LEKR1: variants seen among roughly 807,000 people sequenced by gnomAD.
The protein encoded by LEKR1 is leucine, glutamate and lysine rich 1, also known as protein LEKR1.
In LEKR1, 59 loss-of-function variants were observed where a neutral mutation model predicts 72.4. The ratio of observed to expected loss-of-function variants is 0.82; its 90% confidence interval spans 0.66 to 1.01. The LOEUF (loss-of-function observed/expected upper bound fraction) is 1.01. Among genes scored for constraint, LEKR1 ranks in the 50% least tolerant of loss-of-function variants. The pLI is 0.00. For synonymous variants in LEKR1, 257 were observed against 263.2 expected (o/e 0.98, Z 0.23); for missense variants, 728 against 759.2 (o/e 0.96, Z 0.48).
At chr3:156,881,939 G>T (rs1719411465) in intron 3 of LEKR1, among the ~76,000 whole-genome samples, 2 of 149,116 alleles carry the variant, frequency 1.3e-5, no homozygotes, top group Admixed American at 1.4e-4. Context: ...GAGAAAACTG[G>T]CTAGCCATAT....
chr3:156,860,298 A>G (rs1371191771), intron 3 of LEKR1, among the ~76,000 whole-genome samples: 1 of 152,218 alleles, frequency 6.6e-6, no homozygotes, highest in East Asian at 1.9e-4. Context: ...TACACAATAA[A>G]ATGCATCTCT....
intron 3 of LEKR1, among the ~76,000 whole-genome samples, chr3:156,857,415 T>G (rs1716204562): frequency 1.3e-5 from 2 of 152,152 alleles, no homozygotes; most frequent in Admixed American, 6.5e-5. Flanking sequence ...ATGCATATAG[T>G]AAGTGGAAAA....
chr3:156,879,809 G>C lies in LEKR1; in HGVS notation c.263+26827G>C, dbSNP rs182152156. On this transcript the variant is annotated intron_variant, in intron 3 of 12. Transcript: ENST00000356539. The stretch of plus-strand genomic sequence containing the variant: ...AAGGCGCCAAGGTACAGCTCGGGTT[G>C]TGGCTTCAGAGAGTGCAAGCCCCAA... Among the ~76,000 whole-genome samples, 10 of 152,354 alleles carry C rather than the reference G, an allele frequency of 6.6e-5. No homozygotes were observed. In the East Asian group the frequency reaches 1.9e-3, roughly 29 times the overall value.
chr3:156,841,489 AG>A (rs1437991255), intron 2 of LEKR1, among the ~76,000 whole-genome samples: 1 of 152,226 alleles, frequency 6.6e-6, no homozygotes, highest in East Asian at 1.9e-4. Flanking sequence ...CAGGCAGTAC[AG>A]AGAAGTGGGG....
intron 2 of LEKR1, among the ~76,000 whole-genome samples, chr3:156,837,595 G>GC (rs1713319888): frequency 6.6e-6 from 1 of 152,186 alleles, no homozygotes; most frequent in Non-Finnish European, 1.5e-5. Context: ...ATCCTACGGT[G>GC]CCCCTCTCCA....
intron 6 of LEKR1, among the ~76,000 whole-genome samples, chr3:156,974,532 G>C (rs979188074): frequency 2.0e-5 from 3 of 152,024 alleles, no homozygotes; most frequent in African/African-American, 7.3e-5. Context: ...CCTATTCATG[G>C]AATCAAATGG....
intron 10 of LEKR1, among the ~76,000 whole-genome samples, chr3:157,013,879 A>G (rs1733099040): frequency 6.6e-6 from 1 of 152,098 alleles, no homozygotes; most frequent in African/African-American, 2.4e-5. Flanking sequence ...CATAGCTTAA[A>G]TGGTTTTAAC....
chr3:157,021,871 TATTAATAATTA>T lies in LEKR1; in HGVS notation c.1204-2879_1204-2869del, dbSNP rs375343419. Among the ~76,000 whole-genome samples, 507 of 152,210 alleles carry T rather than the reference TATTAATAATTA, an allele frequency of 3.3e-3. 3 individuals are homozygous for T. Among genetic ancestry groups the T allele is most frequent in the African/African-American group, 0.012 (490 of 41,560 alleles). ...ATTTAAGAACTATGTGACTATTAATTATTAATAATTAATTAATAATGGAATGTTATTGATTA... is the reference window on the plus strand; with the variant it reads ...ATTTAAGAACTATGTGACTATTAATTATTAATAATGGAATGTTATTGATTA... On this transcript the variant is annotated intron_variant, in intron 10 of 12. Coordinates refer to ENST00000356539, the MANE Select transcript of LEKR1 (RefSeq NM_001004316.3).
intron 10 of LEKR1, among the ~76,000 whole-genome samples, chr3:157,023,563 A>G (rs1000012526): frequency 3.3e-5 from 5 of 152,144 alleles, no homozygotes; most frequent in African/African-American, 9.7e-5. Context: ...ACTGACTGTT[A>G]AATTCCTACT....
chr3:156,894,625 C>G (rs1479954171), intron 3 of LEKR1, among the ~76,000 whole-genome samples: 1 of 152,126 alleles, frequency 6.6e-6, no homozygotes, highest in East Asian at 1.9e-4. Flanking sequence ...AGGCATCACA[C>G]TACCCAACTG....
intron 7 of LEKR1, among the ~76,000 whole-genome samples, chr3:156,982,195 T>A (rs1286401916): frequency 6.6e-6 from 1 of 152,230 alleles, no homozygotes; most frequent in Admixed American, 6.5e-5. Flanking sequence ...TAGGATAATG[T>A]CAGTTTTAGT....
At chr3:156,953,526 G>T (rs1242521822) in intron 6 of LEKR1, among the ~76,000 whole-genome samples, 1 of 151,496 alleles carries the variant, frequency 6.6e-6, no homozygotes, top group East Asian at 1.9e-4. Flanking sequence ...CAGTTGACAG[G>T]CTCTAGTGTG....
At chr3:156,888,327 G>A in intron 3 of LEKR1, 1 of 702,212 alleles carries the variant, frequency 1.4e-6, no homozygotes, top group Non-Finnish European at 2.6e-6. Flanking sequence ...TGCTTAGACT[G>A]GAAGTAGAAC....
chr3:156,890,569 G>C (rs542486554), intron 3 of LEKR1, among the ~76,000 whole-genome samples: 14 of 152,174 alleles, frequency 9.2e-5, no homozygotes, highest in Non-Finnish European at 1.9e-4. Context: ...TTTTTCTGAA[G>C]TTGGTAAACA....
At chr3:156,852,410 A>G (rs1715471716) in intron 2 of LEKR1, among the ~76,000 whole-genome samples, 1 of 152,228 alleles carries the variant, frequency 6.6e-6, no homozygotes, top group Admixed American at 6.5e-5. Context: ...ATTAAAGAAC[A>G]GTGATTTCCT....
intron 3 of LEKR1, among the ~76,000 whole-genome samples, chr3:156,918,774 C>T (rs889860742): frequency 1.3e-5 from 2 of 151,942 alleles, no homozygotes; most frequent in African/African-American, 4.8e-5. Context: ...AGGAAAAAAA[C>T]ATTAAAAGTA....
At chr3:156,911,812 T>C (rs1211770872) in intron 3 of LEKR1, among the ~76,000 whole-genome samples, 1 of 152,124 alleles carries the variant, frequency 6.6e-6, no homozygotes, top group East Asian at 1.9e-4. Flanking sequence ...CAGATGATTG[T>C]AGGTGTGAGG....
At chr3:156,876,371 G>A (rs1384582275) in intron 3 of LEKR1, among the ~76,000 whole-genome samples, 2 of 152,138 alleles carry the variant, frequency 1.3e-5, no homozygotes, top group Non-Finnish European at 2.9e-5. Flanking sequence ...TGTGAAGGAT[G>A]ATGATGGTAC....
chr3:156,942,799 A>G (rs1434747850), intron 6 of LEKR1, 85 bp downstream of exon 6: 2 of 574,034 alleles, frequency 3.5e-6, no homozygotes, highest in Non-Finnish European at 5.3e-6. Flanking sequence ...TAATTACAAC[A>G]AAATCTTGTT....
Sources: gnomAD v4.1 joint callset for allele counts (sites outside exome capture counted in the v4.1 genomes callset) on GRCh38, gnomAD v4.1.1 for gene constraint, MANE v1.5 for transcripts, NCBI Gene and HGNC (gene_info 2026-07-23, HGNC 2026-07-21) for gene names.